PIK3R3: variants seen among roughly 807,000 people sequenced by gnomAD.
The protein encoded by PIK3R3 is phosphatidylinositol 3-kinase regulatory subunit gamma.
A neutral mutation model predicts 62.9 loss-of-function variants in PIK3R3; 64 were observed. The observed-to-expected ratio is 1.02, with a 90% CI of 0.83 to 1.25. The LOEUF (loss-of-function observed/expected upper bound fraction) is 1.25, where lower values mean the gene tolerates loss of function less well. Ranked by LOEUF, PIK3R3 falls within the 50% of genes most tolerant of loss-of-function variation. PIK3R3 has a pLI of 0.00. For missense variants in PIK3R3, 614 were observed against 561.6 expected (o/e 1.09, Z -0.94); for synonymous variants, 165 against 189.0 (o/e 0.87, Z 1.04).
At chr1:46,069,731 G>T (rs977940473) in intron 3 of PIK3R3, among the ~76,000 whole-genome samples, 1 of 152,146 alleles carries the variant, frequency 6.6e-6, no homozygotes, top group Non-Finnish European at 1.5e-5. Context: ...GACAGAAAAA[G>T]AGGTCCAAGG....
chr1:46,065,876 C>A (rs112036442), intron 5 of PIK3R3, among the ~76,000 whole-genome samples, 178 bp downstream of exon 5: 1 of 152,102 alleles, frequency 6.6e-6, no homozygotes, highest in East Asian at 1.9e-4. Context: ...TTAACTGATA[C>A]AAATTATATC....
At chr1:46,062,437 T>A (rs2149392114) in intron 5 of PIK3R3, among the ~76,000 whole-genome samples, 1 of 152,198 alleles carries the variant, frequency 6.6e-6, no homozygotes, top group Non-Finnish European at 1.5e-5. Flanking sequence ...TAGCCAGGCG[T>A]GGTGGCGGGC....
At chr1:46,097,194 T>C (rs1196601832) in intron 1 of PIK3R3, among the ~76,000 whole-genome samples, 1 of 152,086 alleles carries the variant, frequency 6.6e-6, no homozygotes, top group African/African-American at 2.4e-5. Flanking sequence ...ATTAACAGAA[T>C]AAAGGACAAA....
chr1:46,052,675 G>A (rs994614077), intron 7 of PIK3R3, among the ~76,000 whole-genome samples: 2 of 152,038 alleles, frequency 1.3e-5, no homozygotes, highest in Non-Finnish European at 2.9e-5. Context: ...ATCATAGATA[G>A]GTTTTACCTA....
rs75653845 is a variant in PIK3R3, at chr1:46,131,563, C to T, written c.106+284G>A. 3.7e-3 allele frequency: 1,598 copies of T among 436,768 alleles called. 15 individuals carry two copies. Among genetic ancestry groups the T allele is most frequent in the East Asian group, 0.027 (487 of 18,206 alleles). The allele number at this position is 436,768 out of a possible 1,614,324, so 27.1% of individuals were successfully genotyped here. ...GGGCACAAGAAAAACCTGAACGACA[C>T]GCAAAGGCAAAGTAAAAAATAATGA... is the stretch of plus-strand genomic sequence containing the variant. On this transcript the variant is annotated intron_variant, in intron 1 of 9. Transcript: ENST00000262741.
At chr1:46,154,918 C>T in the PIK3R3 span, among the ~76,000 whole-genome samples, 104 of 152,334 alleles carry the variant, frequency 6.8e-4, no homozygotes, top group East Asian at 1.5e-3. Context: ...GCCAAAGAAG[C>T]CCTCTCCATA....
rs576031359 is a variant in PIK3R3, at chr1:46,132,336, G to A, written c.-384C>T. ...CCACTTTTGTGTCCTTCGAAGGAGGGAGAATGAAGAGGAAAAAAAAGAACA... is the reference window on the plus strand; with the variant it reads ...CCACTTTTGTGTCCTTCGAAGGAGGAAGAATGAAGAGGAAAAAAAAGAACA... On this transcript the variant is annotated 5_prime_UTR_variant, in exon 1 of 10. Coordinates refer to ENST00000262741, the MANE Select transcript of PIK3R3 (RefSeq NM_003629.4). The A allele has an allele frequency of 6.1e-5, 68 of 1,110,334 alleles. No individual in the cohort carries two copies. The African/African-American group carries it at 9.8e-4, about 16-fold the overall frequency. 68.8% of individuals were successfully genotyped at this position (1,110,334 alleles called of 1,614,324 possible).
At chr1:46,112,725 G>C (rs188463646) in intron 1 of PIK3R3, among the ~76,000 whole-genome samples, 24 of 152,026 alleles carry the variant, frequency 1.6e-4, no homozygotes, top group African/African-American at 5.5e-4. Flanking sequence ...ACTATCATCC[G>C]CTCTAGTCCC....
intron 1 of PIK3R3, among the ~76,000 whole-genome samples, chr1:46,102,473 T>C (rs1164534293): frequency 1.3e-5 from 2 of 152,178 alleles, no homozygotes; most frequent in Admixed American, 1.3e-4. Context: ...GTATTTATCT[T>C]AGAATAACCC....
rs1647105119 is a variant in PIK3R3 at position 46,045,975 on chromosome 1, T to A, written c.1130A>T (p.Asp377Val). 3 of 1,613,558 alleles carry A rather than the reference T, an allele frequency of 1.9e-6. No homozygotes were observed. Among genetic ancestry groups the A allele is most frequent in the Non-Finnish European group, 2.5e-6 (3 of 1,179,792 alleles). The change falls in exon 9 of 10, where the codon GAT becomes GTT. Residue 377 changes from aspartate (D) to valine (V), a missense_variant. Coordinates refer to ENST00000262741, the MANE Select transcript of PIK3R3 (RefSeq NM_003629.4). ...QAEDLLYGKP[D>V]GAFLIRESSK... ...ACTCTCACGAATTAAGAATGCACCA[T>A]CAGGTTTCCCATAAAGCAAGTCCTC... is the stretch of plus-strand genomic sequence containing the variant.
the PIK3R3 span, among the ~76,000 whole-genome samples, chr1:46,168,856 C>T: frequency 1.2e-3 from 183 of 152,248 alleles, no homozygotes; most frequent in African/African-American, 3.6e-3. Flanking sequence ...CTCCTCAACA[C>T]ACACACACTA....
At chr1:46,132,642 C>A (rs1655730496), upstream of PIK3R3, 1 of 1,289,666 alleles carries the variant, frequency 7.8e-7, no homozygotes, top group Non-Finnish European at 1.0e-6. Flanking sequence ...ACTCCAGCCA[C>A]TAGAGTTTCA....
In PIK3R3 at chr1:46,066,051, A is replaced by AG; in HGVS notation, c.621+2_621+3insC. 1 of 1,607,916 alleles carries AG rather than the reference A, an allele frequency of 6.2e-7. No individual in the cohort carries two copies. The highest frequency in any genetic ancestry group is 2.2e-5 in the East Asian group (1 of 44,678). ...TTAGTCAAAAACAACATAATATACCAACCTGGGATGTTCTAGTATATTCTT... is the reference window on the plus strand; with the variant it reads ...TTAGTCAAAAACAACATAATATACCAGACCTGGGATGTTCTAGTATATTCTT... On this transcript the variant is annotated splice_region_variant and intron_variant, in intron 5 of 9. Coordinates refer to ENST00000262741, the MANE Select transcript of PIK3R3 (RefSeq NM_003629.4).
chr1:46,047,088 A>C (rs541813839), intron 7 of PIK3R3: 1 of 155,298 alleles, frequency 6.4e-6, no homozygotes, highest in Non-Finnish European at 1.4e-5. Flanking sequence ...AGGCCACAAG[A>C]AATTCAGGGT....
At chr1:46,155,313 C>A in the PIK3R3 span, among the ~76,000 whole-genome samples, 2 of 151,490 alleles carry the variant, frequency 1.3e-5, no homozygotes, top group Admixed American at 6.6e-5. Flanking sequence ...ACAGAGGAGA[C>A]CCTGTCTCAA....
In PIK3R3 at chr1:46,071,712, A is replaced by AAAAAAAAACATATATATAT. The variant is rs1472807815; in HGVS notation, c.315-4622_315-4621insATATATATATGTTTTTTTT. On this transcript the variant is annotated intron_variant, in intron 3 of 9. Transcript: ENST00000262741. ...CTCTGTCTCCAAAAAAAAAAAAAAA[A>AAAAAAAAACATATATATAT]ATATATATATATATATATAGAGAGA... is the stretch of plus-strand genomic sequence containing the variant. Among the ~76,000 whole-genome samples the AAAAAAAAACATATATATAT allele has an allele frequency of 3.7e-4, 9 of 24,612 alleles. 2 individuals are homozygous for AAAAAAAAACATATATATAT. Among genetic ancestry groups the AAAAAAAAACATATATATAT allele is most frequent in the Non-Finnish European group, 3.1e-4 (4 of 12,768 alleles). 16.1% of individuals were successfully genotyped at this position (24,612 alleles called of 152,430 possible).
At chr1:46,101,192 A>T (rs950548945) in intron 1 of PIK3R3, among the ~76,000 whole-genome samples, 5 of 148,148 alleles carry the variant, frequency 3.4e-5, no homozygotes, top group South Asian at 2.1e-4. Flanking sequence ...AAAAAAAAAA[A>T]TTTGTAAAAA....
chr1:46,094,578 C>T (rs1651940804), intron 1 of PIK3R3, among the ~76,000 whole-genome samples: 1 of 152,182 alleles, frequency 6.6e-6, no homozygotes, highest in African/African-American at 2.4e-5. Context: ...AAATTTCCCC[C>T]CAGCATCAGT....
intron 1 of PIK3R3, among the ~76,000 whole-genome samples, chr1:46,105,886 T>C (rs1217561457): frequency 2.0e-5 from 3 of 152,030 alleles, no homozygotes; most frequent in Non-Finnish European, 4.4e-5. Flanking sequence ...CAGCTCATAA[T>C]TGAAGCCAAG....
Sources: allele counts gnomAD v4.1 joint callset (sites outside exome capture counted in the v4.1 genomes callset), GRCh38; gene constraint gnomAD v4.1.1; transcripts MANE v1.5; gene names NCBI Gene and HGNC (gene_info 2026-07-23, HGNC 2026-07-21).